Variants in HERC6 observed in about 807,000 individuals in gnomAD.
The protein encoded by HERC6 is HECT and RLD domain containing E3 ubiquitin protein ligase family member 6.
HERC6 carries 101 observed loss-of-function variants against 114.5 expected under a neutral mutation model. The observed-to-expected ratio is 0.88, with a 90% confidence interval of 0.75 to 1.04. The LOEUF is 1.04. Ranked by LOEUF, HERC6 falls within the 50% of genes least tolerant of loss-of-function variation. The pLI, the probability that HERC6 is intolerant of heterozygous loss-of-function variation, is 0.00. For missense variants in HERC6, 1,133 were observed against 1,230.9 expected, an observed-to-expected ratio of 0.92 and a Z score of 1.19; for synonymous variants, 408 against 436.2, an observed-to-expected ratio of 0.94 and a Z score of 0.81.
chr4:88,426,504 G>A (rs1737637896), intron 15 of HERC6, among the ~76,000 whole-genome samples: 1 of 145,560 alleles, frequency 6.9e-6, no homozygotes, highest in South Asian at 2.2e-4. Context: ...TCTTAAGACA[G>A]AGTCTAGCTC....
chr4:88,378,860 T>G lies in HERC6; in HGVS notation c.-62T>G, dbSNP rs1733989800. 6.9e-7 allele frequency: 1 copy of G among 1,452,558 alleles called. No homozygotes were observed. Among genetic ancestry groups the G allele is most frequent in the African/African-American group, 1.4e-5 (1 of 70,496 alleles). The allele number at this position is 1,452,558 out of a possible 1,614,324, so 90.0% of individuals were successfully genotyped here. On this transcript the variant is annotated 5_prime_UTR_variant, in exon 1 of 23. Coordinates refer to ENST00000264346, the MANE Select transcript of HERC6 (RefSeq NM_017912.4). ...TCATCGCGCACCCAGTCACCAGCGT[T>G]CGGGAGCCTGTCGCAGCGGGACCGA...
chr4:88,386,191 T>C (rs1180158814), intron 3 of HERC6, among the ~76,000 whole-genome samples: 1 of 150,546 alleles, frequency 6.6e-6, no homozygotes, highest in Non-Finnish European at 1.5e-5. Context: ...ATTTATCTTT[T>C]TTCTTTTCTT....
At chr4:88,402,516 G>A (rs149589631) in intron 8 of HERC6, among the ~76,000 whole-genome samples, 2 of 152,314 alleles carry the variant, frequency 1.3e-5, no homozygotes, top group African/African-American at 4.8e-5. Context: ...TCCAGGGCAT[G>A]TGTGGCTGGG....
rs772677785 is a variant in HERC6, at chr4:88,424,616, C to T, written c.1849C>T (p.Pro617Ser). 4 of 1,609,464 alleles carry T rather than the reference C, an allele frequency of 2.5e-6. No homozygotes were observed. The highest frequency in any genetic ancestry group is 3.4e-6 in the Non-Finnish European group (4 of 1,176,934). Residue 617 changes from proline (P) to serine (S), a missense_variant, in exon 15 of 23, where the codon CCT (proline) becomes TCT (serine). Physicochemically the swap from Pro to Ser is moderately conservative, Grantham distance 74. This residue lies in a region of HERC6 where 735 missense variants were observed against 754.0 expected (regional missense o/e 0.97). Coordinates refer to ENST00000264346, the MANE Select transcript of HERC6 (RefSeq NM_017912.4). ...TTAGATACCTGCAGAAACCCCCAGT[C>T]CTGTTATTTTCAGTGATTTTCCATT... ...NHLIPAETPSPVIFSDFPFIF... is the reference protein window; with the variant it reads ...NHLIPAETPSSVIFSDFPFIF...
chr4:88,407,456 A>G (rs1027475878), intron 10 of HERC6, among the ~76,000 whole-genome samples: 1 of 152,034 alleles, frequency 6.6e-6, no homozygotes, highest in Non-Finnish European at 1.5e-5. Flanking sequence ...GCTGTAATGC[A>G]GTAGTTTGAT....
intron 17 of HERC6, among the ~76,000 whole-genome samples, chr4:88,431,941 A>G (rs116333357): frequency 1.1e-3 from 163 of 152,354 alleles, no homozygotes; most frequent in African/African-American, 3.5e-3. Context: ...GTCCTAATTT[A>G]AAACACTTTA....
rs766112487 is a variant in HERC6, at chr4:88,435,825, A to AT, written c.2352dup (p.Lys785Ter). The AT allele has an allele frequency of 6.8e-6, 11 of 1,612,596 alleles. No individual in the cohort carries two copies. Among genetic ancestry groups the AT allele is most frequent in the Non-Finnish European group, 9.3e-6 (11 of 1,179,254 alleles). ...AACCTTCCTTTCCCACTGGCTCTGT[A>AT]TAAAAAACTTCTGGACCAAAAGCCA... On this transcript the variant is annotated frameshift_variant, in exon 18 of 23. Transcript: ENST00000264346. LOFTEE classifies it high-confidence loss of function.
intron 9 of HERC6, 72 bp from the exon 10 acceptor site, chr4:88,405,482 A>G: frequency 1.4e-6 from 1 of 711,914 alleles, no homozygotes; most frequent in East Asian, 2.8e-5. Flanking sequence ...TTACTTATTC[A>G]GACATAATAA....
chr4:88,392,888 G>T (rs994967845), intron 4 of HERC6, among the ~76,000 whole-genome samples: 2 of 152,156 alleles, frequency 1.3e-5, no homozygotes, highest in African/African-American at 2.4e-5. Context: ...AACTTGTTTC[G>T]AAATAACCTA....
chr4:88,438,124 T>TC (rs1334294633), intron 20 of HERC6, among the ~76,000 whole-genome samples: 2 of 58,114 alleles, frequency 3.4e-5, no homozygotes, highest in Non-Finnish European at 6.1e-5. Context: ...AGACTGTGTC[T>TC]CAAAAAAAAA....
At chr4:88,404,168 T>C (rs1735686232) in intron 8 of HERC6, among the ~76,000 whole-genome samples, 1 of 152,068 alleles carries the variant, frequency 6.6e-6, no homozygotes, top group South Asian at 2.1e-4. Flanking sequence ...TCATCCATGT[T>C]GTAGCATGTG....
At chr4:88,381,128 T>G (rs971162049) in intron 1 of HERC6, among the ~76,000 whole-genome samples, 1 of 152,180 alleles carries the variant, frequency 6.6e-6, no homozygotes, top group Non-Finnish European at 1.5e-5. Flanking sequence ...CTGATTGATA[T>G]TCTCGTAAGC....
chr4:88,387,361 C>T (rs572164955), intron 3 of HERC6, among the ~76,000 whole-genome samples: 2 of 152,280 alleles, frequency 1.3e-5, no homozygotes, highest in South Asian at 4.1e-4. Context: ...TGTGCCACTG[C>T]ATTCCAGGCT....
intron 3 of HERC6, among the ~76,000 whole-genome samples, chr4:88,387,651 G>C (rs1185302557): frequency 2.0e-5 from 3 of 152,202 alleles, no homozygotes; most frequent in Non-Finnish European, 1.5e-5. Flanking sequence ...CTAGCTGTTT[G>C]ATCATGGGCA....
At chr4:88,408,389 A>G (rs984038798) in intron 10 of HERC6, 135 bp from the exon 11 acceptor site, 5 of 674,256 alleles carry the variant, frequency 7.4e-6, no homozygotes, top group Non-Finnish European at 1.3e-5. Context: ...AAGTAAGTTG[A>G]TTATTTTGAA....
intron 8 of HERC6, among the ~76,000 whole-genome samples, chr4:88,403,974 A>C (rs996233539): frequency 1.3e-5 from 2 of 152,004 alleles, no homozygotes; most frequent in Non-Finnish European, 2.9e-5. Context: ...CATTACCCCA[A>C]ACAGAAATTC....
At chr4:88,402,845 A>C (rs1041180144) in intron 8 of HERC6, among the ~76,000 whole-genome samples, 5 of 152,172 alleles carry the variant, frequency 3.3e-5, no homozygotes, top group Non-Finnish European at 5.9e-5. Context: ...CATTGTCCCA[A>C]GTTTCCTGGG....
At chr4:88,428,509 A>G in intron 15 of HERC6, 71 bp from the exon 16 acceptor site, 1 of 1,130,806 alleles carries the variant, frequency 8.8e-7, no homozygotes, top group Non-Finnish European at 1.2e-6. Flanking sequence ...TGTTTATTGG[A>G]AGTATTAAAC....
chr4:88,395,122 A>G (rs1259695775), intron 5 of HERC6, among the ~76,000 whole-genome samples: 3 of 152,246 alleles, frequency 2.0e-5, no homozygotes, highest in Non-Finnish European at 2.9e-5. Flanking sequence ...TTTAAAAACT[A>G]TATGCCCCCA....
Sources: gnomAD v4.1 joint callset for allele counts (sites outside exome capture counted in the v4.1 genomes callset) on GRCh38, gnomAD v4.1.1 for gene constraint, gnomAD v4.1.1 regional missense constraint, MANE v1.5 for transcripts, NCBI Gene and HGNC (gene_info 2026-07-23, HGNC 2026-07-21) for gene names.